Variants in HHAT observed in about 807,000 individuals in gnomAD.
HHAT encodes the protein protein-cysteine N-palmitoyltransferase HHAT.
HHAT carries 47 observed loss-of-function variants against 70.8 expected under a neutral mutation model. The observed-to-expected ratio is 0.66, with a 90% confidence interval of 0.53 to 0.85. HHAT has a LOEUF of 0.85. Among genes scored for constraint, HHAT ranks in the 40% least tolerant of loss-of-function variants. HHAT has a pLI of 0.00. For missense variants in HHAT, 609 were observed against 604.8 expected (o/e 1.01, Z -0.07); for synonymous variants, 228 against 247.6 (o/e 0.92, Z 0.74).
At chr1:210,591,646 G>C (rs1482936237) in intron 10 of HHAT, among the ~76,000 whole-genome samples, 1 of 152,088 alleles carries the variant, frequency 6.6e-6, no homozygotes. Context: ...CCGTGGTCTT[G>C]TACTAATTTA....
intron 7 of HHAT, among the ~76,000 whole-genome samples, chr1:210,418,768 C>T (rs971869788): frequency 6.6e-6 from 1 of 152,108 alleles, no homozygotes; most frequent in African/African-American, 2.4e-5. Flanking sequence ...TGTGGTGGCT[C>T]ATGCCTGTAA....
intron 8 of HHAT, among the ~76,000 whole-genome samples, chr1:210,497,105 T>C (rs1283579858): frequency 3.3e-5 from 5 of 152,222 alleles, no homozygotes; most frequent in African/African-American, 1.2e-4. Flanking sequence ...AATGAGCTTA[T>C]GGGAAATTCT....
rs546760925 is a variant in HHAT, at chr1:210,424,894, T to A, written c.856+6569T>A. 5.2e-4 allele frequency among the ~76,000 whole-genome samples: 79 copies of A among 152,236 alleles called. 1 individual carries two copies. The highest frequency in any genetic ancestry group is 8.4e-4 in the Non-Finnish European group (57 of 68,042). ...TGGGATTGCTGGGTCAAATGGTATT[T>A]CTGTCTTTAGGTCTTTCAGGAATTG... On this transcript the variant is annotated intron_variant, in intron 7 of 11. Transcript: ENST00000261458.
At chr1:210,655,549 G>T (rs1676207427) in intron 11 of HHAT, among the ~76,000 whole-genome samples, 1 of 152,176 alleles carries the variant, frequency 6.6e-6, no homozygotes, top group Non-Finnish European at 1.5e-5. Context: ...CCCAGCCTGG[G>T]CTCGGAGCAC....
chr1:210,360,936 G>A (rs2088241579), intron 2 of HHAT, among the ~76,000 whole-genome samples: 1 of 148,272 alleles, frequency 6.7e-6, no homozygotes, highest in African/African-American at 2.5e-5. Flanking sequence ...GACAGCACTA[G>A]GCAAGATTTC....
chr1:210,348,736 CGTGTGTGTGTGT>C, intron 1 of HHAT, among the ~76,000 whole-genome samples, 185 bp from the exon 2 acceptor site: 1 of 148,034 alleles, frequency 6.8e-6, no homozygotes, highest in South Asian at 2.2e-4. Flanking sequence ...TGTATGTGTG[CGTGTGTGTGTGT>C]GTGTGTGTGT....
intron 8 of HHAT, among the ~76,000 whole-genome samples, chr1:210,511,916 AC>A (rs1399670481): frequency 2.7e-5 from 4 of 150,318 alleles, no homozygotes; most frequent in Non-Finnish European, 4.4e-5. Flanking sequence ...CAGCCTCCTG[AC>A]TAAGTGAGAC....
chr1:210,591,158 T>C (rs2148796170), intron 10 of HHAT, among the ~76,000 whole-genome samples: 1 of 152,254 alleles, frequency 6.6e-6, no homozygotes, highest in South Asian at 2.1e-4. Context: ...TACTACATCT[T>C]ATTCTATATA....
At chr1:210,463,803 T>G (rs958875903) in intron 7 of HHAT, among the ~76,000 whole-genome samples, 3 of 152,250 alleles carry the variant, frequency 2.0e-5, no homozygotes, top group African/African-American at 7.2e-5. Flanking sequence ...TCTCCAGATC[T>G]TCATCAACAC....
intron 7 of HHAT, among the ~76,000 whole-genome samples, chr1:210,448,205 C>T (rs958087530): frequency 2.0e-5 from 3 of 151,974 alleles, no homozygotes; most frequent in African/African-American, 7.3e-5. Flanking sequence ...GCTCAGCTGC[C>T]TGAGTAGCTG....
At chr1:210,358,752 T>C (rs2087924599) in intron 2 of HHAT, among the ~76,000 whole-genome samples, 1 of 152,146 alleles carries the variant, frequency 6.6e-6, no homozygotes, top group Admixed American at 6.5e-5. Flanking sequence ...GGCAGTGGCT[T>C]GTGTCAGACT....
chr1:210,338,062 T>G (rs75245772), intron 1 of HHAT, among the ~76,000 whole-genome samples: 4,565 of 152,156 alleles, frequency 0.03, 251 homozygotes, highest in African/African-American at 0.1. Flanking sequence ...GCAGAGGATC[T>G]GGGGACAGGC....
intron 7 of HHAT, among the ~76,000 whole-genome samples, chr1:210,454,517 G>A (rs1476063405): frequency 1.3e-5 from 2 of 152,190 alleles, no homozygotes; most frequent in African/African-American, 2.4e-5. Context: ...TCGTGCCACT[G>A]CACTCCAGTC....
intron 9 of HHAT, among the ~76,000 whole-genome samples, chr1:210,579,111 C>T (rs111731389): frequency 0.027 from 4,179 of 152,128 alleles, 228 homozygotes; most frequent in African/African-American, 0.096. Context: ...GACACATGGA[C>T]ACACAGAGGG....
chr1:210,506,970 C>G (rs193021828), intron 8 of HHAT, among the ~76,000 whole-genome samples: 14 of 152,328 alleles, frequency 9.2e-5, no homozygotes, highest in Admixed American at 6.5e-4. Context: ...TCCCTTTAGG[C>G]TCTATTCTCC....
chr1:210,405,920 T>C (rs1044595469), intron 6 of HHAT, among the ~76,000 whole-genome samples: 1 of 152,212 alleles, frequency 6.6e-6, no homozygotes, highest in African/African-American at 2.4e-5. Flanking sequence ...GGTTTAATGA[T>C]GGCAGCTGAT....
chr1:210,471,997 C>A (rs1476404399), intron 8 of HHAT, among the ~76,000 whole-genome samples: 1 of 152,046 alleles, frequency 6.6e-6, no homozygotes, highest in East Asian at 1.9e-4. Flanking sequence ...GGGAAATGGA[C>A]AAATATTAAG....
intron 11 of HHAT, among the ~76,000 whole-genome samples, chr1:210,659,700 C>T (rs1185579553): frequency 2.0e-5 from 3 of 152,198 alleles, no homozygotes; most frequent in Non-Finnish European, 1.5e-5. Context: ...TCCAGCAGCA[C>T]ATCAAAAAGC....
At chr1:210,417,822 A>G (rs1182102166) in intron 6 of HHAT, among the ~76,000 whole-genome samples, 1 of 152,134 alleles carries the variant, frequency 6.6e-6, no homozygotes, top group African/African-American at 2.4e-5. Context: ...CCAAATTCCC[A>G]GTGGGGAAAA....
Sources: allele counts gnomAD v4.1 joint callset (sites outside exome capture counted in the v4.1 genomes callset), GRCh38; gene constraint gnomAD v4.1.1; transcripts MANE v1.5; gene names NCBI Gene and HGNC (gene_info 2026-07-23, HGNC 2026-07-21).